NAALADL2: variants seen among roughly 807,000 people sequenced by gnomAD.
NAALADL2 encodes the protein N-acetylated alpha-linked acidic dipeptidase like 2, also known as inactive N-acetylated-alpha-linked acidic dipeptidase-like protein 2.
A neutral mutation model predicts 87.2 loss-of-function variants in NAALADL2; 76 were observed. The ratio of observed to expected loss-of-function variants is 0.87; its 90% CI spans 0.72 to 1.05. NAALADL2 has a LOEUF of 1.05. Among genes scored for constraint, NAALADL2 ranks in the 50% least tolerant of loss-of-function variants. The pLI, the probability that NAALADL2 is intolerant of heterozygous loss-of-function variation, is 0.00. For synonymous variants in NAALADL2, 354 were observed against 331.0 expected (o/e 1.07, Z -0.75); for missense variants, 1,089 against 945.8 (o/e 1.15, Z -1.99).
chr3:175,234,112 A>G lies in NAALADL2; in HGVS notation c.727A>G (p.Asn243Asp). 2 of 1,613,846 alleles carry G rather than the reference A, an allele frequency of 1.2e-6. No homozygotes were observed. Among genetic ancestry groups the G allele is most frequent in the Non-Finnish European group, 1.7e-6 (2 of 1,179,818 alleles). The part of the protein sequence containing the change: ...LSSSGQCFHP[N>D]GQPCSEEARK... ...CAGCAGTGGTCAATGCTTTCATCCTAATGGCCAGCCTTGCAGTGAAGAAGC... is the reference window on the plus strand; with the variant it reads ...CAGCAGTGGTCAATGCTTTCATCCTGATGGCCAGCCTTGCAGTGAAGAAGC... Residue 243 changes from asparagine (N) to aspartate (D), a missense_variant, in exon 3 of 14, where the codon AAT becomes GAT. Transcript: ENST00000454872.
chr3:174,590,244 C>T (rs1373739338), intron 2 of NAALADL2, among the ~76,000 whole-genome samples: 1 of 151,752 alleles, frequency 6.6e-6, no homozygotes, highest in African/African-American at 2.4e-5. Flanking sequence ...CCTTCTTGTC[C>T]CATCCTAAAC....
intron 3 of NAALADL2, among the ~76,000 whole-genome samples, chr3:174,814,891 G>A (rs949312043): frequency 6.6e-6 from 1 of 152,114 alleles, no homozygotes; most frequent in South Asian, 2.1e-4. Context: ...CTGTGGGTAC[G>A]TTATTTCAAA....
intron 3 of NAALADL2, among the ~76,000 whole-genome samples, chr3:174,750,716 G>A (rs1734741182): frequency 6.6e-6 from 1 of 152,088 alleles, no homozygotes; most frequent in African/African-American, 2.4e-5. Context: ...TTACAGGTGT[G>A]AGCCACCGCA....
At chr3:174,814,126 T>G (rs13061766) in intron 3 of NAALADL2, among the ~76,000 whole-genome samples, 7 of 151,810 alleles carry the variant, frequency 4.6e-5, no homozygotes, top group Non-Finnish European at 1.0e-4. Context: ...TTTATTTTTT[T>G]GAGACAGAGT....
chr3:175,617,971 C>T (rs952161083), intron 10 of NAALADL2, among the ~76,000 whole-genome samples: 2 of 152,140 alleles, frequency 1.3e-5, no homozygotes, highest in Admixed American at 6.5e-5. Context: ...GTAGGGTCCT[C>T]CAATGGTACT....
At chr3:175,148,173 T>C (rs1445045362) in intron 2 of NAALADL2, among the ~76,000 whole-genome samples, 1 of 150,440 alleles carries the variant, frequency 6.6e-6, no homozygotes, top group African/African-American at 2.4e-5. Flanking sequence ...TATCTCATTG[T>C]GGTTTTGATT....
chr3:175,367,273 T>C (rs972873385), intron 5 of NAALADL2, among the ~76,000 whole-genome samples: 3 of 151,918 alleles, frequency 2.0e-5, no homozygotes, highest in Admixed American at 2.0e-4. Flanking sequence ...CCTTGTAGTA[T>C]AGTTTGAAGT....
At chr3:174,852,527 TA>T in intron 3 of NAALADL2, among the ~76,000 whole-genome samples, 1 of 151,996 alleles carries the variant, frequency 6.6e-6, no homozygotes, top group Non-Finnish European at 1.5e-5. Flanking sequence ...AATATCTCTA[TA>T]AAAAACTATA....
chr3:175,328,417 TAAAAA>T (rs76598617), intron 5 of NAALADL2, among the ~76,000 whole-genome samples: 1 of 141,062 alleles, frequency 7.1e-6, no homozygotes, highest in Non-Finnish European at 1.6e-5. Context: ...AGTTCTACTG[TAAAAA>T]AAAAAAAAAG....
chr3:174,570,215 G>T (rs1461337048), intron 2 of NAALADL2, among the ~76,000 whole-genome samples: 1 of 149,200 alleles, frequency 6.7e-6, no homozygotes. Flanking sequence ...TTTATGCTTT[G>T]TTTTATACCC....
At chr3:174,861,891 A>G (rs1726550126) in intron 1 of NAALADL2, among the ~76,000 whole-genome samples, 1 of 144,324 alleles carries the variant, frequency 6.9e-6, no homozygotes, top group African/African-American at 2.8e-5. Context: ...GGTAGTATTG[A>G]GAACCCATTT....
chr3:175,365,978 T>A (rs545399799), intron 5 of NAALADL2, among the ~76,000 whole-genome samples: 1 of 139,796 alleles, frequency 7.2e-6, no homozygotes, highest in Non-Finnish European at 1.6e-5. Context: ...CATTAACTCG[T>A]CATTTAGCAT....
At chr3:175,208,001 A>G (rs1741197745) in intron 2 of NAALADL2, among the ~76,000 whole-genome samples, 1 of 152,294 alleles carries the variant, frequency 6.6e-6, no homozygotes, top group South Asian at 2.1e-4. Flanking sequence ...TTGGAAAGAA[A>G]TGTAAAGCAC....
chr3:174,644,551 C>T (rs1723587492), intron 2 of NAALADL2, among the ~76,000 whole-genome samples: 1 of 152,024 alleles, frequency 6.6e-6, no homozygotes, highest in South Asian at 2.2e-4. Flanking sequence ...TAAACCCATG[C>T]AGTTTAAACC....
intron 1 of NAALADL2, among the ~76,000 whole-genome samples, chr3:174,476,532 T>C (rs1439080140): frequency 1.3e-5 from 2 of 152,016 alleles, no homozygotes; most frequent in African/African-American, 4.8e-5. Context: ...CTTATTCAAA[T>C]GGCTTATTCA....
chr3:175,803,202 G>T lies in NAALADL2; in HGVS notation c.2387G>T (p.Ter796LeuextTer7). Residue 796 changes from the stop codon to leucine (L), a stop_lost, in exon 14 of 14, where the codon TGA becomes TTA. Transcript: ENST00000454872. Reference protein sequence around the residue: ...VFKSVLDGKN* With the variant: ...VFKSVLDGKNL ...AAGAGTGTCTTGGATGGGAAGAATT[G>T]AGAAAACTCTGAGCATTTTTAAAAG... 6.3e-7 allele frequency: 1 copy of T among 1,589,046 alleles called. No individual in the cohort carries two copies. The highest frequency in any genetic ancestry group is 8.6e-7 in the Non-Finnish European group (1 of 1,166,554).
At chr3:174,909,028 C>T (rs1400633279) in intron 1 of NAALADL2, among the ~76,000 whole-genome samples, 3 of 151,764 alleles carry the variant, frequency 2.0e-5, no homozygotes, top group Non-Finnish European at 2.9e-5. Flanking sequence ...AAAAGATCTC[C>T]TTAGTTGTGT....
At chr3:174,837,810 A>G (rs1002692513) in intron 3 of NAALADL2, among the ~76,000 whole-genome samples, 2 of 151,874 alleles carry the variant, frequency 1.3e-5, no homozygotes, top group African/African-American at 4.8e-5. Context: ...AACAAACACA[A>G]AAACAAAATA....
At chr3:175,304,722 A>T (rs1757487980) in intron 4 of NAALADL2, among the ~76,000 whole-genome samples, 1 of 152,180 alleles carries the variant, frequency 6.6e-6, no homozygotes. Flanking sequence ...GTTTATCCAG[A>T]TGCTGCAACC....
Sources: allele counts gnomAD v4.1 joint callset (sites outside exome capture counted in the v4.1 genomes callset), GRCh38; gene constraint gnomAD v4.1.1; transcripts MANE v1.5; gene names NCBI Gene and HGNC (gene_info 2026-07-23, HGNC 2026-07-21).